Variants in GRID2IP observed in about 807,000 individuals in gnomAD.
GRID2IP encodes the protein Grid2 interacting protein, also known as delphilin.
GRID2IP carries 78 observed loss-of-function variants against 114.3 expected under a neutral mutation model. The ratio of observed to expected loss-of-function variants is 0.68; its 90% CI spans 0.57 to 0.82. The LOEUF (loss-of-function observed/expected upper bound fraction) is 0.82, where lower values mean the gene tolerates loss of function less well. Among genes scored for constraint, GRID2IP ranks in the 40% least tolerant of loss-of-function variants. GRID2IP has a pLI of 0.00. For synonymous variants in GRID2IP, 809 were observed against 724.0 expected, an observed-to-expected ratio of 1.12 and a Z score of -1.89; for missense variants, 1,727 against 1,678.5, an observed-to-expected ratio of 1.03 and a Z score of -0.51.
Position 6,498,220 on chromosome 7 carries a change from C to T in GRID2IP, c.3408G>A (p.Leu1136=), listed in dbSNP as rs1346940451. ...CCCGAAGTGCTGGCTGGGCCGTCTC[C>T]AGGAAGGACTGACAGGCCTCAGTTA... The part of the protein sequence containing the change: ...DKFAMVMSSF[L]ETAQPALRAL... The change falls in exon 21 of 22, where the codon CTG becomes CTA. Residue 1136 remains leucine, a synonymous_variant. Transcript: ENST00000457091. 2 of 1,543,286 alleles carry T rather than the reference C, an allele frequency of 1.3e-6. No homozygotes were observed. Among genetic ancestry groups the T allele is most frequent in the East Asian group, 2.5e-5 (1 of 40,810 alleles).
intron 2 of GRID2IP, chr7:6,531,227 C>G: frequency 2.3e-6 from 1 of 429,330 alleles, no homozygotes; most frequent in Non-Finnish European, 4.1e-6. Context: ...CCCTCCCGAG[C>G]CGTCCCGGCC....
rs1779390718 is a variant in GRID2IP at position 6,520,454 on chromosome 7, C to A, written c.1268+124G>T. The A allele has an allele frequency of 5.3e-6, 6 of 1,134,670 alleles. No homozygotes were observed. In the South Asian group the frequency reaches 6.6e-5, roughly 13 times the overall value. The allele number at this position is 1,134,670 out of a possible 1,614,324, so 70.3% of individuals were successfully genotyped here. On this transcript the variant is annotated intron_variant, in intron 7 of 21. Transcript: ENST00000457091. This position sits in a 1 kb window ranked among gnomAD's most constrained non-coding sequence, Gnocchi z 4.6. ...TGGGGCCCCTGATACCAGCAGCCAC[C>A]TTCCTGAGCATCCCCCAGGAGAACG...
At position 6,521,561 on chromosome 7, in the gene GRID2IP, G is replaced by A; in HGVS notation, c.990-38C>T. The A allele has an allele frequency of 1.4e-6, 2 of 1,455,798 alleles. No individual in the cohort carries two copies. Among genetic ancestry groups the A allele is most frequent in the Admixed American group, 2.2e-5 (1 of 45,940 alleles). 90.2% of individuals were successfully genotyped at this position (1,455,798 alleles called of 1,614,324 possible). ...GATGGCCCAGGAGGGCCTGACTGGG[G>A]TGAGCCCTGTCCACGGCCACCAGCC... On this transcript the variant is annotated intron_variant, in intron 5 of 21. Coordinates refer to ENST00000457091, the MANE Select transcript of GRID2IP (RefSeq NM_001145118.2). The surrounding 1 kb of genome is among the most constrained non-coding windows in gnomAD (Gnocchi z 4.1).
chr7:6,508,978 G>T lies in GRID2IP; in HGVS notation c.2107C>A (p.Pro703Thr). ...CCCACCTCCTCGTAGTCGTTCTCCG[G>T]GGTCAGGAAATCATCCACGATGGTG... ...RVTIVDDFLT[P>T]ENDYEEMSFH... is the part of the protein sequence containing the mutation. The change falls in exon 12 of 22, where the codon CCG becomes ACG. Residue 703 changes from proline to threonine, a missense_variant. By Grantham distance (38) the Pro-to-Thr change is conservative. Transcript: ENST00000457091. The surrounding 1 kb of genome is among the most constrained non-coding windows in gnomAD (Gnocchi z 5.6). 2 of 1,547,858 alleles carry T rather than the reference G, an allele frequency of 1.3e-6. No individual in the cohort carries two copies. Among genetic ancestry groups the T allele is most frequent in the Non-Finnish European group, 1.7e-6 (2 of 1,146,730 alleles).
Position 6,496,821 on chromosome 7 carries a change from T to G in GRID2IP, c.*953A>C, listed in dbSNP as rs1341270892. Among the ~76,000 whole-genome samples, 1 of 148,434 alleles carries G rather than the reference T, an allele frequency of 6.7e-6. No homozygotes were observed. The highest frequency in any genetic ancestry group is 2.5e-5 in the African/African-American group (1 of 40,124). On this transcript the variant is annotated 3_prime_UTR_variant, in exon 22 of 22. Coordinates refer to ENST00000457091, the MANE Select transcript of GRID2IP (RefSeq NM_001145118.2). ...GTCAATCAGAGAATTTTAAAAAAGG[T>G]GAAACAGTTCACACACCCTCCCTCC... is the stretch of plus-strand genomic sequence containing the variant.
intron 2 of GRID2IP, among the ~76,000 whole-genome samples, chr7:6,533,017 TAA>T (rs1391096477): frequency 6.6e-6 from 1 of 152,184 alleles, no homozygotes; most frequent in Non-Finnish European, 1.5e-5. Flanking sequence ...AGGCACTGCT[TAA>T]GTTTCCTCCA....
At chr7:6,522,387 G>C (rs1400624009) in intron 4 of GRID2IP, among the ~76,000 whole-genome samples, 1 of 152,158 alleles carries the variant, frequency 6.6e-6, no homozygotes, top group East Asian at 1.9e-4. Context: ...GCAGGACTCA[G>C]GCAGCATCAG....
Position 6,507,986 on chromosome 7 carries a change from T to C in GRID2IP, c.2543A>G (p.Gln848Arg). 6.5e-7 allele frequency: 1 copy of C among 1,550,042 alleles called. No homozygotes were observed. Among genetic ancestry groups the C allele is most frequent in the Non-Finnish European group, 8.7e-7 (1 of 1,146,776 alleles). ...GCTGCTGGGTCCCAGGTCACCTACC[T>C]GACCCCAGATGGTGCCTTCTGAGTT... is the stretch of plus-strand genomic sequence containing the variant. ...VENSEGTIWG[Q>R]LGEDSDYDKL... is the part of the protein sequence containing the mutation. Residue 848 changes from glutamine to arginine, a missense_variant and splice_region_variant, in exon 13 of 22, where the codon CAG (glutamine) becomes CGG (arginine). Physicochemically the swap from Gln to Arg is conservative, Grantham distance 43. Coordinates refer to ENST00000457091, the MANE Select transcript of GRID2IP (RefSeq NM_001145118.2). This position sits in a 1 kb window ranked among gnomAD's most constrained non-coding sequence, Gnocchi z 5.3.
At chr7:6,530,590 T>G (rs1407081725) in intron 2 of GRID2IP, among the ~76,000 whole-genome samples, 3 of 146,048 alleles carry the variant, frequency 2.1e-5, no homozygotes, top group Non-Finnish European at 4.5e-5. Context: ...CCAGCTTTCT[T>G]TATCTCACCT....
chr7:6,524,912 G>T (rs949425431), intron 4 of GRID2IP, among the ~76,000 whole-genome samples: 39 of 151,554 alleles, frequency 2.6e-4, no homozygotes, highest in Non-Finnish European at 2.5e-4. Flanking sequence ...GTAGAGACGG[G>T]TTTCACCATG....
intron 7 of GRID2IP, among the ~76,000 whole-genome samples, chr7:6,517,715 C>T (rs1043144295): frequency 6.6e-6 from 1 of 151,328 alleles, no homozygotes; most frequent in African/African-American, 2.4e-5. Context: ...CCAGCCTGGC[C>T]AACATGGTGA....
Position 6,509,342 on chromosome 7 carries a change from C to G in GRID2IP, c.1772-29G>C. 1 of 1,461,748 alleles carries G rather than the reference C, an allele frequency of 6.8e-7. No homozygotes were observed. Among genetic ancestry groups the G allele is most frequent in the Non-Finnish European group, 9.1e-7 (1 of 1,103,282 alleles). The allele number at this position is 1,461,748 out of a possible 1,614,324, so 90.5% of individuals were successfully genotyped here. A position where few individuals can be genotyped will look rare whatever the true frequency, so the allele number is the denominator to read the frequency against. Reference sequence around the variant, plus strand: ...GAGGAGGGATGGAGTATGAGGATTCCTCTTCAGCCAGCACCGAGGTTCCAG... The same window carrying G: ...GAGGAGGGATGGAGTATGAGGATTCGTCTTCAGCCAGCACCGAGGTTCCAG... On this transcript the variant is annotated intron_variant, in intron 11 of 21. Transcript: ENST00000457091. The surrounding 1 kb of genome is among the most constrained non-coding windows in gnomAD (Gnocchi z 4.9).
chr7:6,520,521 AGGCAGGACTTAGGGCCCACCCAG>A lies in GRID2IP; in HGVS notation c.1268+34_1268+56del, dbSNP rs1779391554. On this transcript the variant is annotated intron_variant, in intron 7 of 21. Coordinates refer to ENST00000457091, the MANE Select transcript of GRID2IP (RefSeq NM_001145118.2). This position sits in a 1 kb window ranked among gnomAD's most constrained non-coding sequence, Gnocchi z 4.6. ...GGCAGGGAGACTGGGATGTGAGTCTAGGCAGGACTTAGGGCCCACCCAGGGCAGGGCCCCACCGCGGCTTTGGC... is the reference window on the plus strand; with the variant it reads ...GGCAGGGAGACTGGGATGTGAGTCTAGGCAGGGCCCCACCGCGGCTTTGGC... The A allele has an allele frequency of 2.0e-6, 3 of 1,492,992 alleles. No individual in the cohort carries two copies. The East Asian group carries it at 7.4e-5, about 37-fold the overall frequency. The allele number at this position is 1,492,992 out of a possible 1,614,324, so 92.5% of individuals were successfully genotyped here.
In GRID2IP at chr7:6,526,640, C is replaced by A. The variant is rs1482313143; in HGVS notation, c.714G>T (p.Arg238=). Residue 238 remains arginine, a synonymous_variant, in exon 3 of 22, where the codon CGG becomes CGT. Coordinates refer to ENST00000457091, the MANE Select transcript of GRID2IP (RefSeq NM_001145118.2). The surrounding 1 kb of genome is among the most constrained non-coding windows in gnomAD (Gnocchi z 7.6). ...GCGTGGACACCAGGAGGCGCTCCGG[C>A]CGCTCCTCGCTGCGGCTCCGGCGCA... ...QRLRRSRSEE[R]PERLLVSTRA... is the part of the protein sequence containing the mutation. 1.4e-5 allele frequency: 19 copies of A among 1,367,282 alleles called. No homozygotes were observed. The highest frequency in any genetic ancestry group is 2.6e-4 in the Middle Eastern group (1 of 3,778). 84.7% of individuals were successfully genotyped at this position (1,367,282 alleles called of 1,614,324 possible).
At position 6,508,429 on chromosome 7, in the gene GRID2IP, G is replaced by T. The variant is rs1206986644; in HGVS notation, c.2128-28C>A. Reference sequence around the variant, plus strand: ...GGTGGTGGGGAGAGAGGCAAGGGGAGGGTGAGGCTGGGCCCAGAGAGACTA... The same window carrying T: ...GGTGGTGGGGAGAGAGGCAAGGGGATGGTGAGGCTGGGCCCAGAGAGACTA... On this transcript the variant is annotated intron_variant, in intron 12 of 21. Transcript: ENST00000457091. This position sits in a 1 kb window ranked among gnomAD's most constrained non-coding sequence, Gnocchi z 5.6. 1 of 1,550,444 alleles carries T rather than the reference G, an allele frequency of 6.4e-7. No individual in the cohort carries two copies. Among genetic ancestry groups the T allele is most frequent in the East Asian group, 2.4e-5 (1 of 40,924 alleles).
At chr7:6,515,387 G>C (rs1324446667) in intron 7 of GRID2IP, among the ~76,000 whole-genome samples, 1 of 151,804 alleles carries the variant, frequency 6.6e-6, no homozygotes, top group Non-Finnish European at 1.5e-5. Context: ...GCTTAGACTG[G>C]GAGGCGGAGG....
chr7:6,528,770 A>C lies in GRID2IP; in HGVS notation c.585-2001T>G, dbSNP rs1779562566. Among the ~76,000 whole-genome samples the C allele has an allele frequency of 6.6e-6, 1 of 151,742 alleles. No individual in the cohort carries two copies. The highest frequency in any genetic ancestry group is 2.1e-4 in the South Asian group (1 of 4,794). On this transcript the variant is annotated intron_variant, in intron 2 of 21. Transcript: ENST00000457091. This position sits in a 1 kb window ranked among gnomAD's most constrained non-coding sequence, Gnocchi z 6.0. ...CTCAGGGAGGAGGCTCTGTCCCCGC[A>C]GTGAGCTCCGCTCCAGGTCTCGATG...
chr7:6,503,182 C>G lies in GRID2IP; in HGVS notation c.2908-19G>C. The G allele has an allele frequency of 6.7e-7, 1 of 1,491,122 alleles. No individual in the cohort carries two copies. The highest frequency in any genetic ancestry group is 9.0e-7 in the Non-Finnish European group (1 of 1,115,890). The allele number at this position is 1,491,122 out of a possible 1,614,324, so 92.4% of individuals were successfully genotyped here. A position where few individuals can be genotyped will look rare whatever the true frequency, so the allele number is the denominator to read the frequency against. On this transcript the variant is annotated intron_variant, in intron 16 of 21. Transcript: ENST00000457091. ...ACAGCATCTGCCTCGAAGGCAGAGC[C>G]AGGATTCACCCATCCCCTTCCTGGG...
In GRID2IP at chr7:6,526,228, C is replaced by T; in HGVS notation, c.915G>A (p.Leu305=). The T allele has an allele frequency of 6.4e-7, 1 of 1,551,812 alleles. No individual in the cohort carries two copies. The highest frequency in any genetic ancestry group is 1.2e-5 in the South Asian group (1 of 84,064). The change falls in exon 4 of 22, where the codon CTG becomes CTA. Residue 305 remains leucine, a synonymous_variant. Transcript: ENST00000457091. The surrounding 1 kb of genome is among the most constrained non-coding windows in gnomAD (Gnocchi z 7.6). ...GHGPVWIESV[L]PGSPADNAAL... ...GGCAACCGGCCCACCCCTCACCAGG[C>T]AGGACAGACTCGATCCAGACAGGCC...
Sources: gnomAD v4.1 joint callset for allele counts (sites outside exome capture counted in the v4.1 genomes callset) on GRCh38, gnomAD v4.1.1 for gene constraint, Gnocchi (gnomAD v3.1) non-coding constraint, MANE v1.5 for transcripts, NCBI Gene and HGNC (gene_info 2026-07-23, HGNC 2026-07-21) for gene names.